Variants in SNED1 observed in about 807,000 individuals in gnomAD.
SNED1 encodes the protein sushi, nidogen and EGF like domains 1.
Under a neutral mutation model 166.7 loss-of-function variants are expected in SNED1, and 81 were observed. The observed-to-expected ratio is 0.49, with a 90% CI of 0.41 to 0.58. The LOEUF (loss-of-function observed/expected upper bound fraction) is 0.58, where lower values mean the gene tolerates loss of function less well. Among genes scored for constraint, SNED1 ranks in the 20% least tolerant of loss-of-function variants. The probability of loss-of-function intolerance (pLI) is 0.00; values close to 1 mark genes in which losing one functional copy is unlikely to be tolerated. For missense variants in SNED1, 1,604 were observed against 2,000.2 expected (o/e 0.80, Z 3.78); for synonymous variants, 762 against 822.0 (o/e 0.93, Z 1.25).
At chr2:241,050,303 C>T (rs538791726) in intron 12 of SNED1, among the ~76,000 whole-genome samples, 32 of 152,292 alleles carry the variant, frequency 2.1e-4, no homozygotes, top group African/African-American at 7.5e-4. Context: ...TACATTTAGT[C>T]GCTTGAGAAT....
chr2:241,035,663 G>A lies in SNED1; in HGVS notation c.805+933G>A, dbSNP rs1384555107. Reference sequence around the variant, plus strand: ...ATCTCCGCAACACTGAGTCCCCAGAGAACACGACAGGGGTAGCAGATGCGC... The same window carrying A: ...ATCTCCGCAACACTGAGTCCCCAGAAAACACGACAGGGGTAGCAGATGCGC... On this transcript the variant is annotated intron_variant, in intron 4 of 31. Transcript: ENST00000310397. 1.2e-4 allele frequency: 18 copies of A among 149,706 alleles called. No homozygotes were observed. The East Asian group carries it at 3.5e-3, about 29-fold the overall frequency. The allele number at this position is 149,706 out of a possible 1,614,324, so 9.3% of individuals were successfully genotyped here.
intron 2 of SNED1, 105 bp downstream of exon 2, chr2:241,030,676 G>A: frequency 8.3e-7 from 1 of 1,201,270 alleles, no homozygotes; most frequent in Non-Finnish European, 1.2e-6. Context: ...TGCAGTCACT[G>A]GTCCATACCC....
intron 27 of SNED1, chr2:241,074,629 G>T (rs996291341): frequency 2.0e-5 from 3 of 152,182 alleles, no homozygotes; most frequent in African/African-American, 7.2e-5. Flanking sequence ...GTGTTTGCCA[G>T]CACGAGATGC....
Position 241,087,705 on chromosome 2 carries a change from G to A in SNED1, c.4205+230G>A. 6.6e-6 allele frequency: 9 copies of A among 1,360,940 alleles called. No homozygotes were observed. In the South Asian group the frequency reaches 1.4e-4, roughly 21 times the overall value. 84.3% of individuals were successfully genotyped at this position (1,360,940 alleles called of 1,614,324 possible). On this transcript the variant is annotated intron_variant, in intron 30 of 31. Coordinates refer to ENST00000310397, the MANE Select transcript of SNED1 (RefSeq NM_001080437.3). ...GCCGGGCATGCTGGGTGCTGGGGGGGGTCACTCTGGTTATGCATATTCACA... is the reference window on the plus strand; with the variant it reads ...GCCGGGCATGCTGGGTGCTGGGGGGAGTCACTCTGGTTATGCATATTCACA...
chr2:240,999,427 G>T lies in SNED1; in HGVS notation c.213+377G>T, dbSNP rs1279770468. Among the ~76,000 whole-genome samples the T allele has an allele frequency of 1.3e-5, 2 of 152,190 alleles. No homozygotes were observed. Among genetic ancestry groups the T allele is most frequent in the Non-Finnish European group, 2.9e-5 (2 of 68,014 alleles). ...GTGGGCACGGGCTTCCCGGGCCTCA[G>T]TTTCCCAAGTGGGGCGCCGGGCCTG... On this transcript the variant is annotated intron_variant, in intron 1 of 31. Coordinates refer to ENST00000310397, the MANE Select transcript of SNED1 (RefSeq NM_001080437.3). The surrounding 1 kb of genome is among the most constrained non-coding windows in gnomAD (Gnocchi z 5.8).
chr2:241,082,244 C>T (rs1196362958), intron 28 of SNED1, 33 bp from the exon 29 acceptor site: 1 of 1,555,854 alleles, frequency 6.4e-7, no homozygotes, highest in South Asian at 1.1e-5. Context: ...CCGTCAGGAG[C>T]ACCTGGTGAG....
At chr2:241,063,976 C>A in intron 18 of SNED1, 36 bp from the exon 19 acceptor site, 1 of 1,460,332 alleles carries the variant, frequency 6.8e-7, no homozygotes. Flanking sequence ...AGACTCCCCC[C>A]TTGCAGCTTG....
Position 241,018,779 on chromosome 2 carries a change from AG to A in SNED1, c.214-11504del, listed in dbSNP as rs1451452337. Among the ~76,000 whole-genome samples, 1 of 152,238 alleles carries A rather than the reference AG, an allele frequency of 6.6e-6. No homozygotes were observed. Among genetic ancestry groups the A allele is most frequent in the East Asian group, 1.9e-4 (1 of 5,170 alleles). On this transcript the variant is annotated intron_variant, in intron 1 of 31. Transcript: ENST00000310397. This position sits in a 1 kb window ranked among gnomAD's most constrained non-coding sequence, Gnocchi z 5.4. ...CATGTTCATGACTCAGGACTGTGTC[AG>A]CCCCACAGGAGAACCCAGGTGGCCG...
chr2:241,069,881 G>C lies in SNED1; in HGVS notation c.3308-39G>C. On this transcript the variant is annotated intron_variant, in intron 23 of 31. Transcript: ENST00000310397. This position sits in a 1 kb window ranked among gnomAD's most constrained non-coding sequence, Gnocchi z 4.9. Reference sequence around the variant, plus strand: ...CCGTGTTCTTGCCAGAAGACCCTGTGGGCACCCCCTCACCTCTCCCTGCTC... The same window carrying C: ...CCGTGTTCTTGCCAGAAGACCCTGTCGGCACCCCCTCACCTCTCCCTGCTC... 1 of 1,594,652 alleles carries C rather than the reference G, an allele frequency of 6.3e-7. No homozygotes were observed. The highest frequency in any genetic ancestry group is 1.3e-5 in the African/African-American group (1 of 74,652).
chr2:241,052,483 G>T lies in SNED1; in HGVS notation c.2083+15G>T. ...GTGCCAGGCAGGTGAGAGGGTCAGG[G>T]GGATCAAGCAGGGTACATGGGATAC... On this transcript the variant is annotated intron_variant, in intron 15 of 31. Transcript: ENST00000310397. 2 of 1,586,388 alleles carry T rather than the reference G, an allele frequency of 1.3e-6. No homozygotes were observed. Among genetic ancestry groups the T allele is most frequent in the South Asian group, 2.2e-5 (2 of 89,598 alleles).
intron 31 of SNED1, chr2:241,089,174 A>G (rs1485119296): frequency 1.1e-6 from 1 of 899,274 alleles, no homozygotes; most frequent in Non-Finnish European, 1.7e-6. Context: ...ACCTGTTACC[A>G]GTTTCATACT....
chr2:241,015,275 CTTTAACA>C (rs2060544253), intron 1 of SNED1, among the ~76,000 whole-genome samples: 1 of 152,162 alleles, frequency 6.6e-6, no homozygotes, highest in Non-Finnish European at 1.5e-5. Context: ...ACTTAGTTGA[CTTTAACA>C]TTTTCAGTAA....
chr2:241,082,654 A>C (rs1360489837), intron 29 of SNED1, among the ~76,000 whole-genome samples: 1 of 152,126 alleles, frequency 6.6e-6, no homozygotes, highest in Admixed American at 6.5e-5. Flanking sequence ...CCCAGTCCCC[A>C]CTGGATGGCA....
At position 241,088,421 on chromosome 2, in the gene SNED1, C is replaced by T. The variant is rs374635676; in HGVS notation, c.*1+19C>T. 21 of 1,601,506 alleles carry T rather than the reference C, an allele frequency of 1.3e-5. No homozygotes were observed. Among genetic ancestry groups the T allele is most frequent in the East Asian group, 4.5e-5 (2 of 44,830 alleles). ...TCTTAAGGTACGTCCCTGCTGCTCC[C>T]GCCCCACTACCACAGAGCTGCTGGG... On this transcript the variant is annotated intron_variant, in intron 31 of 31. Transcript: ENST00000310397.
At chr2:241,076,840 CCAG>C (rs1250326954) in intron 27 of SNED1, among the ~76,000 whole-genome samples, 1 of 152,168 alleles carries the variant, frequency 6.6e-6, no homozygotes, top group African/African-American at 2.4e-5. Context: ...GCCTGTAATC[CCAG>C]CACTTTGGGA....
At chr2:241,065,691 C>T (rs1263207437) in intron 21 of SNED1, 96 bp downstream of exon 21, 1 of 1,058,544 alleles carries the variant, frequency 9.4e-7, no homozygotes, top group Non-Finnish European at 1.4e-6. Flanking sequence ...ATGCCGTCCA[C>T]CCTCCTAGTT....
In SNED1 at chr2:241,053,072, G is replaced by T. The variant is rs1279047367; in HGVS notation, c.2084-81G>T. ...GAGCAGGACATCCCTGGGCCCTGCA[G>T]TCGGGTCGGGCAGAGGCAGGGCGGT... On this transcript the variant is annotated intron_variant, in intron 15 of 31. Coordinates refer to ENST00000310397, the MANE Select transcript of SNED1 (RefSeq NM_001080437.3). The T allele has an allele frequency of 5.1e-6, 7 of 1,377,928 alleles. No homozygotes were observed. The Admixed American group carries it at 1.5e-4, about 29-fold the overall frequency. The allele number at this position is 1,377,928 out of a possible 1,614,324, so 85.4% of individuals were successfully genotyped here.
At chr2:241,029,504 C>G (rs1279123848) in intron 1 of SNED1, among the ~76,000 whole-genome samples, 2 of 152,244 alleles carry the variant, frequency 1.3e-5, no homozygotes, top group African/African-American at 4.8e-5. Context: ...CCTGCTAACA[C>G]TATCTCTGTG....
At chr2:241,071,399 G>A (rs1185787233) in intron 24 of SNED1, 177 bp from the exon 25 acceptor site, 6 of 681,708 alleles carry the variant, frequency 8.8e-6, no homozygotes, top group East Asian at 2.7e-5. Context: ...GGGCTGGAAG[G>A]GAACCCAGGG....
Sources: allele counts gnomAD v4.1 joint callset (sites outside exome capture counted in the v4.1 genomes callset), GRCh38; gene constraint gnomAD v4.1.1; non-coding constraint Gnocchi (gnomAD v3.1); transcripts MANE v1.5; gene names NCBI Gene and HGNC (gene_info 2026-07-23, HGNC 2026-07-21).